UBE2E1: variants seen among roughly 807,000 people sequenced by gnomAD.
The protein encoded by UBE2E1 is ubiquitin conjugating enzyme E2 E1.
UBE2E1 carries 6 observed loss-of-function variants against 21.4 expected under a neutral mutation model. That is an observed-to-expected ratio of 0.28 (90% confidence interval 0.15 to 0.55). The LOEUF (loss-of-function observed/expected upper bound fraction) is 0.55. Among genes scored for constraint, UBE2E1 ranks in the 20% least tolerant of loss-of-function variants. The pLI is 0.93. For synonymous variants in UBE2E1, 87 were observed against 82.7 expected (o/e 1.05, Z -0.28); for missense variants, 142 against 236.5 (o/e 0.60, Z 2.62).
chr3:23,877,183 C>A (rs1329284278), intron 3 of UBE2E1, among the ~76,000 whole-genome samples: 2 of 152,100 alleles, frequency 1.3e-5, no homozygotes, highest in Non-Finnish European at 2.9e-5. Context: ...GGATGGATGC[C>A]GATGTTGCTT....
intron 3 of UBE2E1, among the ~76,000 whole-genome samples, chr3:23,877,717 C>T (rs933144498): frequency 1.3e-5 from 2 of 152,170 alleles, no homozygotes; most frequent in Non-Finnish European, 2.9e-5. Flanking sequence ...AGAAGCTTAT[C>T]ATGAAGCTTC....
intron 3 of UBE2E1, among the ~76,000 whole-genome samples, chr3:23,850,837 C>CCTTT (rs1166024050): frequency 7.8e-6 from 1 of 128,414 alleles, no homozygotes; most frequent in African/African-American, 2.9e-5. Context: ...CCACACCCAG[C>CCTTT]TTTTTTTTTT....
At chr3:23,888,978 C>A in intron 4 of UBE2E1, 134 bp from the exon 5 acceptor site, 1 of 894,698 alleles carries the variant, frequency 1.1e-6, no homozygotes, top group Non-Finnish European at 1.6e-6. Flanking sequence ...ACTTTCTAAT[C>A]AAATTTATTG....
intron 3 of UBE2E1, among the ~76,000 whole-genome samples, chr3:23,846,000 A>C (rs1052559239): frequency 1.3e-5 from 2 of 152,208 alleles, no homozygotes; most frequent in African/African-American, 4.8e-5. Context: ...GATTTGGCCC[A>C]TGTGAGTCAT....
At chr3:23,811,907 G>A (rs1699401416) in intron 3 of UBE2E1, among the ~76,000 whole-genome samples, 1 of 152,176 alleles carries the variant, frequency 6.6e-6, no homozygotes, top group African/African-American at 2.4e-5. Context: ...TAAGCTAAGA[G>A]AACATTAGAG....
intron 3 of UBE2E1, among the ~76,000 whole-genome samples, chr3:23,827,444 A>G (rs1699781844): frequency 6.6e-6 from 1 of 152,234 alleles, no homozygotes; most frequent in Admixed American, 6.5e-5. Flanking sequence ...TAAAGCTTTA[A>G]TAATAACAGC....
chr3:23,810,707 G>C lies in UBE2E1; in HGVS notation c.153-753G>C. The C allele has an allele frequency of 1.9e-6, 1 of 530,580 alleles. No homozygotes were observed. The highest frequency in any genetic ancestry group is 2.6e-5 in the South Asian group (1 of 39,002). 32.9% of individuals were successfully genotyped at this position (530,580 alleles called of 1,614,324 possible). On this transcript the variant is annotated intron_variant, in intron 2 of 5. Transcript: ENST00000306627. The surrounding 1 kb of genome is among the most constrained non-coding windows in gnomAD (Gnocchi z 5.8). ...CAAGGTTCTGGGCGCCGGGAGAGGA[G>C]AGCTGGGGCGGCGCGGAGCAGCCCC... is the stretch of plus-strand genomic sequence containing the variant.
At chr3:23,811,153 A>G (rs1254155872) in intron 2 of UBE2E1, 4 of 427,204 alleles carry the variant, frequency 9.4e-6, no homozygotes, top group African/African-American at 7.8e-5. Context: ...ACCGGTCGGC[A>G]AGTGAGAAAC....
intron 3 of UBE2E1, among the ~76,000 whole-genome samples, chr3:23,883,247 A>G (rs1031441596): frequency 4.6e-5 from 7 of 152,220 alleles, no homozygotes; most frequent in Non-Finnish European, 8.8e-5. Context: ...TGTGGAACCA[A>G]AAGTATCTTC....
chr3:23,837,857 T>C (rs750185815), intron 3 of UBE2E1, among the ~76,000 whole-genome samples: 2 of 152,210 alleles, frequency 1.3e-5, no homozygotes. Context: ...ACAGGTAATA[T>C]GGAGAACTGA....
chr3:23,888,200 C>G (rs924091106), intron 4 of UBE2E1: 1 of 456,874 alleles, frequency 2.2e-6, no homozygotes, highest in Non-Finnish European at 4.4e-6. Flanking sequence ...TTCTGTTGTG[C>G]TCCCTGTCAT....
chr3:23,861,393 T>TA (rs1306157449), intron 3 of UBE2E1, among the ~76,000 whole-genome samples: 1 of 152,152 alleles, frequency 6.6e-6, no homozygotes, highest in Admixed American at 6.5e-5. Flanking sequence ...AGTTTTCTGT[T>TA]ACCTCACTCC....
rs1223896603 is a variant in UBE2E1 at position 23,810,680 on chromosome 3, G to T, written c.153-780G>T. ...GCCCTGCTTTCGCGCGCGGTCTCGG[G>T]CCAAGGTTCTGGGCGCCGGGAGAGG... On this transcript the variant is annotated intron_variant, in intron 2 of 5. Coordinates refer to ENST00000306627, the MANE Select transcript of UBE2E1 (RefSeq NM_003341.5). The surrounding 1 kb of genome is among the most constrained non-coding windows in gnomAD (Gnocchi z 5.8). The T allele has an allele frequency of 4.2e-5, 30 of 707,752 alleles. No homozygotes were observed. In the South Asian group the frequency reaches 6.0e-4, roughly 14 times the overall value. 43.8% of individuals were successfully genotyped at this position (707,752 alleles called of 1,614,324 possible).
intron 3 of UBE2E1, 83 bp downstream of exon 3, chr3:23,811,593 C>A: frequency 1.5e-6 from 2 of 1,305,150 alleles, no homozygotes; most frequent in South Asian, 2.6e-5. Context: ...TATACTTTTT[C>A]TTTGATTCTT....
rs942036753 is a variant in UBE2E1, at chr3:23,870,550, T to C, written c.204-17017T>C. 5.3e-5 allele frequency among the ~76,000 whole-genome samples: 8 copies of C among 152,304 alleles called. No homozygotes were observed. In the East Asian group the frequency reaches 1.2e-3, roughly 22 times the overall value. ...GCACACCAGAATCCTAAGGGATGTG[T>C]TGGTGAGGCACTGACAGCTTCTGCT... On this transcript the variant is annotated intron_variant, in intron 3 of 5. Transcript: ENST00000306627. This position sits in a 1 kb window ranked among gnomAD's most constrained non-coding sequence, Gnocchi z 4.2.
At chr3:23,856,633 C>T (rs1331275824) in intron 3 of UBE2E1, among the ~76,000 whole-genome samples, 3 of 152,170 alleles carry the variant, frequency 2.0e-5, no homozygotes, top group Non-Finnish European at 4.4e-5. Flanking sequence ...TATCTAAACC[C>T]TTCCCTGAAA....
Position 23,890,796 on chromosome 3 carries a change from G to C in UBE2E1, c.*190G>C. The stretch of plus-strand genomic sequence containing the variant: ...GCTACAGTAGACAGAATTGGTAATA[G>C]CAACTTTTAAAATTGTCATTAGTTC... On this transcript the variant is annotated 3_prime_UTR_variant, in exon 6 of 6. Coordinates refer to ENST00000306627, the MANE Select transcript of UBE2E1 (RefSeq NM_003341.5). 4.4e-6 allele frequency: 2 copies of C among 459,196 alleles called. No homozygotes were observed. The highest frequency in any genetic ancestry group is 3.8e-6 in the Non-Finnish European group (1 of 266,488). The allele number at this position is 459,196 out of a possible 1,614,324, so 28.4% of individuals were successfully genotyped here. A position where few individuals can be genotyped will look rare whatever the true frequency, so the allele number is the denominator to read the frequency against.
At chr3:23,871,255 C>A (rs1184868871) in intron 3 of UBE2E1, among the ~76,000 whole-genome samples, 6 of 89,954 alleles carry the variant, frequency 6.7e-5, no homozygotes, top group East Asian at 2.7e-4. Flanking sequence ...TAGGGGCGGC[C>A]GGGCAGAGGC....
intron 3 of UBE2E1, among the ~76,000 whole-genome samples, chr3:23,886,254 C>G (rs1482487257): frequency 6.6e-6 from 1 of 152,130 alleles, no homozygotes; most frequent in Non-Finnish European, 1.5e-5. Context: ...ATACCCATCA[C>G]AAAGAGATAT....
Sources: allele counts gnomAD v4.1 joint callset (sites outside exome capture counted in the v4.1 genomes callset), GRCh38; gene constraint gnomAD v4.1.1; non-coding constraint Gnocchi (gnomAD v3.1); transcripts MANE v1.5; gene names NCBI Gene and HGNC (gene_info 2026-07-23, HGNC 2026-07-21).